Variants in PPP1R12B observed in about 807,000 individuals in gnomAD.
The protein encoded by PPP1R12B is myosin phosphatase target subunit 2.
A neutral mutation model predicts 126.1 loss-of-function variants in PPP1R12B; 76 were observed. The observed-to-expected ratio is 0.60, with a 90% CI of 0.50 to 0.73. The LOEUF (loss-of-function observed/expected upper bound fraction) is 0.73. PPP1R12B is among the 30% of genes least tolerant of loss of function. The pLI is 0.00. For missense variants in PPP1R12B, 1,052 were observed against 1,205.1 expected, an observed-to-expected ratio of 0.87 and a Z score of 1.88; for synonymous variants, 356 against 434.7, an observed-to-expected ratio of 0.82 and a Z score of 2.25.
chr1:202,541,025 G>T (rs1247547085), intron 18 of PPP1R12B, among the ~76,000 whole-genome samples: 1 of 152,166 alleles, frequency 6.6e-6, no homozygotes, highest in African/African-American at 2.4e-5. Flanking sequence ...GTGGGAAGCT[G>T]ATAAAAGCAA....
chr1:202,377,832 GTTTTTTTTTTT>G (rs74860606), intron 1 of PPP1R12B, among the ~76,000 whole-genome samples: 78 of 97,246 alleles, frequency 8.0e-4, no homozygotes, highest in East Asian at 3.7e-3. Flanking sequence ...AAAGACAGGT[GTTTTTTTTTTT>G]TTTTTTTTTT....
chr1:202,404,719 T>G (rs1292256815), intron 1 of PPP1R12B, among the ~76,000 whole-genome samples: 1 of 152,100 alleles, frequency 6.6e-6, no homozygotes, highest in African/African-American at 2.4e-5. Context: ...GCCAGGATGG[T>G]CTTGATCTCC....
At position 202,437,850 on chromosome 1, in the gene PPP1R12B, A is replaced by C; in HGVS notation, c.1284A>C (p.Glu428Asp). ...CTTCTGGCCTTTTTAACAAGCCAGA[A>C]GAGCCCAAAGATGAATCTCCTTCTT... Reference protein sequence around the residue: ...RFSSGLFNKPEEPKDESPSSW... With the variant: ...RFSSGLFNKPDEPKDESPSSW... The change falls in exon 10 of 24, where the codon GAA (glutamate) becomes GAC (aspartate). Residue 428 changes from glutamate (E) to aspartate (D), a missense_variant. Physicochemically the swap from Glu to Asp is conservative, Grantham distance 45 (BLOSUM62 2). Transcript: ENST00000608999. The C allele has an allele frequency of 6.2e-7, 1 of 1,613,766 alleles. No individual in the cohort carries two copies. Among genetic ancestry groups the C allele is most frequent in the Non-Finnish European group, 8.5e-7 (1 of 1,179,678 alleles).
At chr1:202,403,940 A>G (rs1360618779) in intron 1 of PPP1R12B, among the ~76,000 whole-genome samples, 1 of 152,066 alleles carries the variant, frequency 6.6e-6, no homozygotes, top group African/African-American at 2.4e-5. Context: ...TCTCAAATCC[A>G]TGTCCTCCCC....
intron 18 of PPP1R12B, among the ~76,000 whole-genome samples, chr1:202,505,988 T>C (rs940599495): frequency 6.6e-6 from 1 of 152,210 alleles, no homozygotes; most frequent in African/African-American, 2.4e-5. Context: ...ATGGCTGTTA[T>C]AAACAGTCCT....
intron 13 of PPP1R12B, among the ~76,000 whole-genome samples, chr1:202,457,244 C>T (rs150425029): frequency 4.9e-4 from 75 of 152,272 alleles, no homozygotes; most frequent in African/African-American, 1.3e-3. Context: ...ATTAAGGATA[C>T]GAGACCAAAG....
At chr1:202,515,977 C>T (rs1025864545) in intron 18 of PPP1R12B, among the ~76,000 whole-genome samples, 3 of 152,134 alleles carry the variant, frequency 2.0e-5, no homozygotes, top group Non-Finnish European at 4.4e-5. Context: ...ACCCTGAAAC[C>T]AAGTTTAATT....
chr1:202,521,244 GC>G (rs1682754540), intron 18 of PPP1R12B, among the ~76,000 whole-genome samples: 1 of 152,146 alleles, frequency 6.6e-6, no homozygotes, highest in Non-Finnish European at 1.5e-5. Context: ...TCAGATTTAA[GC>G]TGAGGCAACT....
intron 1 of PPP1R12B, among the ~76,000 whole-genome samples, chr1:202,356,271 T>G (rs1244644087): frequency 2.0e-5 from 3 of 152,164 alleles, no homozygotes; most frequent in Admixed American, 6.6e-5. Flanking sequence ...TGCTCCAGTT[T>G]TCTCATATTT....
intron 1 of PPP1R12B, among the ~76,000 whole-genome samples, chr1:202,409,891 A>T (rs1323697102): frequency 6.6e-6 from 1 of 152,100 alleles, no homozygotes; most frequent in African/African-American, 2.4e-5. Flanking sequence ...TTCCCTAATG[A>T]TTAGTGACAT....
intron 1 of PPP1R12B, among the ~76,000 whole-genome samples, chr1:202,359,126 C>G (rs1199630763): frequency 2.6e-5 from 4 of 151,966 alleles, no homozygotes; most frequent in African/African-American, 9.7e-5. Flanking sequence ...ATTTTATAGC[C>G]AATCCTAGAT....
chr1:202,548,808 CTATATA>C (rs370219273), intron 18 of PPP1R12B, among the ~76,000 whole-genome samples: 3,661 of 72,774 alleles, frequency 0.05, 59 homozygotes, highest in South Asian at 0.065. Flanking sequence ...CTCTCTCTCT[CTATATA>C]TATATATATA....
intron 6 of PPP1R12B, among the ~76,000 whole-genome samples, chr1:202,430,178 A>T (rs1021158559): frequency 6.6e-6 from 1 of 152,220 alleles, no homozygotes; most frequent in Non-Finnish European, 1.5e-5. Flanking sequence ...TTCTGTACCT[A>T]GCATGGTAAG....
intron 3 of PPP1R12B, 91 bp downstream of exon 3, chr1:202,422,829 A>G (rs1167974682): frequency 4.5e-6 from 7 of 1,563,468 alleles, no homozygotes; most frequent in East Asian, 2.3e-5. Flanking sequence ...GCATTTCACT[A>G]TCACATGACA....
At chr1:202,387,753 G>C (rs1663400334) in intron 1 of PPP1R12B, among the ~76,000 whole-genome samples, 1 of 152,130 alleles carries the variant, frequency 6.6e-6, no homozygotes, top group Non-Finnish European at 1.5e-5. Context: ...ACATTCTACT[G>C]GGTGAGAAGG....
At chr1:202,429,548 A>G (rs1669950551) in intron 6 of PPP1R12B, among the ~76,000 whole-genome samples, 2 of 152,202 alleles carry the variant, frequency 1.3e-5, no homozygotes, top group South Asian at 2.1e-4. Flanking sequence ...GGAGAACTAC[A>G]TAAGTACGGT....
At chr1:202,447,425 G>A (rs1470277658) in intron 12 of PPP1R12B, among the ~76,000 whole-genome samples, 1 of 152,156 alleles carries the variant, frequency 6.6e-6, no homozygotes, top group Non-Finnish European at 1.5e-5. Flanking sequence ...TATTTTAGGT[G>A]TCCTGCAGAC....
intron 13 of PPP1R12B, among the ~76,000 whole-genome samples, chr1:202,450,122 C>T (rs1032744258): frequency 2.0e-5 from 3 of 152,102 alleles, no homozygotes; most frequent in South Asian, 2.1e-4. Flanking sequence ...GGATAGTCTA[C>T]GTTGACTTCT....
intron 14 of PPP1R12B, 72 bp downstream of exon 14, chr1:202,488,695 T>C: frequency 1.6e-6 from 2 of 1,282,046 alleles, no homozygotes; most frequent in Non-Finnish European, 2.2e-6. Flanking sequence ...CAAAACACAC[T>C]GCAATATCCA....
Sources: gnomAD v4.1 joint callset for allele counts (sites outside exome capture counted in the v4.1 genomes callset) on GRCh38, gnomAD v4.1.1 for gene constraint, MANE v1.5 for transcripts, NCBI Gene and HGNC (gene_info 2026-07-23, HGNC 2026-07-21) for gene names.